EPHA3: variants seen among roughly 807,000 people sequenced by gnomAD.
EPHA3 encodes the protein ephrin type-A receptor 3.
A neutral mutation model predicts 107.1 loss-of-function variants in EPHA3; 42 were observed. The ratio of observed to expected loss-of-function variants is 0.39; its 90% confidence interval spans 0.31 to 0.51. The LOEUF (loss-of-function observed/expected upper bound fraction) is 0.51. Ranked by LOEUF, EPHA3 falls within the 20% of genes least tolerant of loss-of-function variation. The pLI is 0.78. For synonymous variants in EPHA3, 461 were observed against 424.8 expected (o/e 1.09, Z -1.05); for missense variants, 1,183 against 1,211.2 (o/e 0.98, Z 0.35).
intron 3 of EPHA3, among the ~76,000 whole-genome samples, chr3:89,285,121 T>C (rs991458614): frequency 5.9e-5 from 9 of 152,110 alleles, no homozygotes; most frequent in Non-Finnish European, 1.2e-4. Flanking sequence ...AAACTCTGTC[T>C]CAAATAAATA....
chr3:89,375,868 T>C (rs1366332690), intron 5 of EPHA3, among the ~76,000 whole-genome samples: 1 of 151,900 alleles, frequency 6.6e-6, no homozygotes, highest in Non-Finnish European at 1.5e-5. Flanking sequence ...CCATATGCAT[T>C]TGAGGGAACA....
In EPHA3 at chr3:89,107,673, A is replaced by G; in HGVS notation, c.-76A>G. The stretch of plus-strand genomic sequence containing the variant: ...GCGGAGCATGGTAACTTCTCCAGCA[A>G]TCAGAGCGCTCCCCCTCACATCAGT... On this transcript the variant is annotated 5_prime_UTR_variant, in exon 1 of 17. Transcript: ENST00000336596. The G allele has an allele frequency of 7.4e-7, 1 of 1,359,358 alleles. No homozygotes were observed. Among genetic ancestry groups the G allele is most frequent in the Admixed American group, 1.7e-5 (1 of 58,384 alleles). 84.2% of individuals were successfully genotyped at this position (1,359,358 alleles called of 1,614,324 possible).
chr3:89,312,888 C>T (rs1486885318), intron 3 of EPHA3, among the ~76,000 whole-genome samples: 1 of 151,826 alleles, frequency 6.6e-6, no homozygotes, highest in Non-Finnish European at 1.5e-5. Flanking sequence ...TTCCAGTTCC[C>T]TCCATGTCCC....
chr3:89,136,096 C>T (rs1035077000), intron 2 of EPHA3, among the ~76,000 whole-genome samples: 10 of 151,902 alleles, frequency 6.6e-5, no homozygotes, highest in Non-Finnish European at 1.2e-4. Context: ...AACTGTGTGT[C>T]AGCAATAATC....
At chr3:89,119,923 A>G (rs1016529587) in intron 1 of EPHA3, among the ~76,000 whole-genome samples, 4 of 152,184 alleles carry the variant, frequency 2.6e-5, no homozygotes, top group Admixed American at 6.5e-5. Context: ...TAAAGGAAAT[A>G]CTACATTAGA....
chr3:89,145,070 A>T (rs1704507948), intron 2 of EPHA3, among the ~76,000 whole-genome samples: 1 of 151,696 alleles, frequency 6.6e-6, no homozygotes, highest in South Asian at 2.1e-4. Flanking sequence ...TTTCCTTTCC[A>T]GGAAGAAAAG....
At chr3:89,155,563 G>A (rs1220760516) in intron 2 of EPHA3, among the ~76,000 whole-genome samples, 1 of 151,942 alleles carries the variant, frequency 6.6e-6, no homozygotes, top group Admixed American at 6.6e-5. Flanking sequence ...TGATTTTCAT[G>A]GTGGCTTTTT....
chr3:89,419,007 G>T (rs1320662831), intron 10 of EPHA3, among the ~76,000 whole-genome samples, 198 bp from the exon 11 acceptor site: 3 of 151,270 alleles, frequency 2.0e-5, no homozygotes, highest in African/African-American at 7.3e-5. Flanking sequence ...TTTCCAACAG[G>T]GGGTGACTAT....
In EPHA3 at chr3:89,210,648, C is replaced by A. The variant is rs537713239; in HGVS notation, c.814+128C>A. The A allele has an allele frequency of 1.3e-4, 117 of 922,800 alleles. 1 individual carries two copies. The African/African-American group carries it at 1.7e-3, about 13-fold the overall frequency. 57.2% of individuals were successfully genotyped at this position (922,800 alleles called of 1,614,324 possible). A position where few individuals can be genotyped will look rare whatever the true frequency, so the allele number is the denominator to read the frequency against. ...AAACATGCCTCAAACTGACCATAGT[C>A]TATTTATGGACTAAAATTAATTCCA... On this transcript the variant is annotated intron_variant, in intron 3 of 16. Coordinates refer to ENST00000336596, the MANE Select transcript of EPHA3 (RefSeq NM_005233.6).
At chr3:89,444,868 G>C (rs556157087) in intron 13 of EPHA3, among the ~76,000 whole-genome samples, 2 of 152,048 alleles carry the variant, frequency 1.3e-5, no homozygotes, top group Non-Finnish European at 2.9e-5. Flanking sequence ...CATTATTGGA[G>C]CTAAACTAAT....
At chr3:89,460,646 A>G (rs1710209319) in intron 15 of EPHA3, among the ~76,000 whole-genome samples, 1 of 148,290 alleles carries the variant, frequency 6.7e-6, no homozygotes, top group Admixed American at 6.7e-5. Context: ...TTTGACAAAT[A>G]CCATATCCTT....
chr3:89,457,541 TC>T (rs925102638), intron 15 of EPHA3, among the ~76,000 whole-genome samples: 3 of 152,096 alleles, frequency 2.0e-5, no homozygotes, highest in Admixed American at 6.6e-5. Flanking sequence ...ACTGAAACCA[TC>T]CCCCACCACA....
At chr3:89,261,298 T>C (rs1705409598) in intron 3 of EPHA3, among the ~76,000 whole-genome samples, 1 of 152,192 alleles carries the variant, frequency 6.6e-6, no homozygotes, top group African/African-American at 2.4e-5. Context: ...TACCTGCATT[T>C]TTTTCCCATC....
chr3:89,185,324 G>A lies in EPHA3; in HGVS notation c.154-24536G>A, dbSNP rs150310513. Among the ~76,000 whole-genome samples, 243 of 152,094 alleles carry A rather than the reference G, an allele frequency of 1.6e-3. 1 individual carries two copies. Among genetic ancestry groups the A allele is most frequent in the African/African-American group, 4.4e-3 (183 of 41,528 alleles). ...TGACTTTGCTGTCCCCTACATACAT[G>A]TTGAACTCTCTGGTGGGTACTCCAG... On this transcript the variant is annotated intron_variant, in intron 2 of 16. Transcript: ENST00000336596.
At chr3:89,160,585 T>G (rs909634567) in intron 2 of EPHA3, among the ~76,000 whole-genome samples, 1 of 131,088 alleles carries the variant, frequency 7.6e-6, no homozygotes, top group Non-Finnish European at 1.6e-5. Flanking sequence ...TGTGTGTGTG[T>G]GTGTGCGCGC....
chr3:89,282,466 GGA>G (rs1472281601), intron 3 of EPHA3, among the ~76,000 whole-genome samples: 3 of 151,832 alleles, frequency 2.0e-5, no homozygotes, highest in Non-Finnish European at 4.4e-5. Flanking sequence ...TTTTCATTTG[GGA>G]GTTTCTTTTC....
chr3:89,216,156 G>C (rs1704219428), intron 3 of EPHA3, among the ~76,000 whole-genome samples: 1 of 151,942 alleles, frequency 6.6e-6, no homozygotes, highest in African/African-American at 2.4e-5. Flanking sequence ...ATTTGTTTGA[G>C]AGACTATGGT....
At chr3:89,387,098 A>T (rs1210479504) in intron 5 of EPHA3, among the ~76,000 whole-genome samples, 5 of 152,134 alleles carry the variant, frequency 3.3e-5, no homozygotes, top group African/African-American at 1.2e-4. Context: ...GGAATGAGTT[A>T]AGACTTTGGG....
intron 6 of EPHA3, among the ~76,000 whole-genome samples, chr3:89,396,957 G>T (rs926556656): frequency 5.9e-5 from 9 of 152,074 alleles, no homozygotes; most frequent in Non-Finnish European, 1.0e-4. Flanking sequence ...TAAATATTAG[G>T]CATCTGTTTT....
Sources: allele counts gnomAD v4.1 joint callset (sites outside exome capture counted in the v4.1 genomes callset), GRCh38; gene constraint gnomAD v4.1.1; transcripts MANE v1.5; gene names NCBI Gene and HGNC (gene_info 2026-07-23, HGNC 2026-07-21).